Variants in IPO13 observed in about 807,000 individuals in gnomAD.
IPO13 encodes importin-13.
Under a neutral mutation model 115.5 loss-of-function variants are expected in IPO13, and 28 were observed. The observed-to-expected ratio is 0.24, with a 90% confidence interval of 0.18 to 0.33. The LOEUF is 0.33. IPO13 is among the 10% of genes least tolerant of loss of function. The pLI is 1.00. For missense variants in IPO13, 785 were observed against 1,204.6 expected, an observed-to-expected ratio of 0.65 and a Z score of 5.16; for synonymous variants, 414 against 478.9, an observed-to-expected ratio of 0.86 and a Z score of 1.77.
intron 1 of IPO13, among the ~76,000 whole-genome samples, chr1:43,948,007 A>C (rs138531518): frequency 6.6e-6 from 1 of 152,210 alleles, no homozygotes; most frequent in Non-Finnish European, 1.5e-5. Flanking sequence ...GAAACTGGGA[A>C]CCCAGGAGAC....
intron 7 of IPO13, 47 bp from the exon 8 acceptor site, chr1:43,957,930 C>A: frequency 6.3e-7 from 1 of 1,593,814 alleles, no homozygotes; most frequent in Non-Finnish European, 8.6e-7. Context: ...GGTACAAAGC[C>A]AGCCTGGCCT....
At position 43,958,906 on chromosome 1, in the gene IPO13, C is replaced by A. The variant is rs576321904; in HGVS notation, c.2028+17C>A. The A allele has an allele frequency of 1.4e-4, 224 of 1,611,818 alleles. 2 individuals carry two copies. In the South Asian group the frequency reaches 2.1e-3, roughly 15 times the overall value. Reference sequence around the variant, plus strand: ...CCCAACCCCGTGGGTGACATTTGCCCACGGCAAAGACATTTGTCTTTGCCA... The same window carrying A: ...CCCAACCCCGTGGGTGACATTTGCCAACGGCAAAGACATTTGTCTTTGCCA... On this transcript the variant is annotated intron_variant, in intron 11 of 19. Transcript: ENST00000372343. The surrounding 1 kb of genome is among the most constrained non-coding windows in gnomAD (Gnocchi z 6.3).
chr1:43,946,980 A>T lies in IPO13; in HGVS notation c.-621A>T. The T allele has an allele frequency of 2.5e-6, 1 of 396,162 alleles. No homozygotes were observed. The highest frequency in any genetic ancestry group is 4.5e-6 in the Non-Finnish European group (1 of 224,150). 24.5% of individuals were successfully genotyped at this position (396,162 alleles called of 1,614,324 possible). A position where few individuals can be genotyped will look rare whatever the true frequency, so the allele number is the denominator to read the frequency against. On this transcript the variant is annotated 5_prime_UTR_variant, in exon 1 of 20. Transcript: ENST00000372343. Reference sequence around the variant, plus strand: ...TCTTGTCAGTCACTGGGGCGGAGGCAGCGGCTGTAGCGGGGCTGTAGCCGG... The same window carrying T: ...TCTTGTCAGTCACTGGGGCGGAGGCTGCGGCTGTAGCGGGGCTGTAGCCGG...
rs2085213138 is a variant in IPO13, at chr1:43,952,039, T to G, written c.821+1886T>G. 6.6e-6 allele frequency among the ~76,000 whole-genome samples: 1 copy of G among 152,238 alleles called. No individual in the cohort carries two copies. The highest frequency in any genetic ancestry group is 1.5e-5 in the Non-Finnish European group (1 of 68,040). ...TTGAGTAATGGGAGTTCTTTTGTGG[T>G]CTCTGCTAGGGTTGGGATGGTCAGT... On this transcript the variant is annotated intron_variant, in intron 2 of 19. Coordinates refer to ENST00000372343, the MANE Select transcript of IPO13 (RefSeq NM_014652.4). This position sits in a 1 kb window ranked among gnomAD's most constrained non-coding sequence, Gnocchi z 4.7.
Position 43,961,193 on chromosome 1 carries a change from G to A in IPO13, c.2275G>A (p.Ala759Thr), listed in dbSNP as rs376960008. 2.9e-5 allele frequency: 46 copies of A among 1,613,962 alleles called. No homozygotes were observed. The highest frequency in any genetic ancestry group is 3.6e-5 in the Non-Finnish European group (42 of 1,179,968). ...QLVHIFAHEP[A>T]HFPPIEALFL... Reference sequence around the variant, plus strand: ...GGTCCACATCTTTGCTCATGAGCCTGCCCACTTTCCCCCAATTGAGGCCCT... The same window carrying A: ...GGTCCACATCTTTGCTCATGAGCCTACCCACTTTCCCCCAATTGAGGCCCT... The change falls in exon 14 of 20, where the codon GCC (alanine) becomes ACC (threonine). Residue 759 changes from alanine to threonine, a missense_variant. Transcript: ENST00000372343.
chr1:43,960,260 G>C lies in IPO13; in HGVS notation c.2040G>C (p.Val680=). Residue 680 remains valine, a synonymous_variant, in exon 12 of 20, where the codon GTG becomes GTC. Transcript: ENST00000372343. ...VPQGPNPVVV[V]LQQVFQLIQK... ...TCCTGTGCCTTCAGGTGGTGGTGGT[G>C]CTGCAGCAGGTCTTCCAGCTTATCC... The C allele has an allele frequency of 1.2e-6, 2 of 1,614,146 alleles. No homozygotes were observed.
intron 2 of IPO13, chr1:43,953,389 C>T (rs893387524): frequency 1.3e-5 from 2 of 152,262 alleles, no homozygotes; most frequent in African/African-American, 4.8e-5. Flanking sequence ...ACCTAGAAAC[C>T]TCTGGGACCT....
At chr1:43,947,710 C>G in intron 1 of IPO13, 26 bp downstream of exon 1, 1 of 1,219,806 alleles carries the variant, frequency 8.2e-7, no homozygotes, top group Non-Finnish European at 1.1e-6. Flanking sequence ...GGTGGGCACT[C>G]CAGTGACAGA....
chr1:43,950,879 C>G (rs2085204536), intron 2 of IPO13, among the ~76,000 whole-genome samples: 1 of 152,230 alleles, frequency 6.6e-6, no homozygotes, highest in Non-Finnish European at 1.5e-5. Flanking sequence ...TATATTACCT[C>G]AGAGCTCCCA....
chr1:43,964,594 A>G (rs2085309927), intron 15 of IPO13, among the ~76,000 whole-genome samples: 1 of 152,112 alleles, frequency 6.6e-6, no homozygotes, highest in South Asian at 2.1e-4. Flanking sequence ...GGAATGGGAA[A>G]GGGAGGGGGT....
Position 43,957,022 on chromosome 1 carries a change from T to G in IPO13, c.1271+46T>G, listed in dbSNP as rs528650741. The G allele has an allele frequency of 1.2e-4, 191 of 1,598,986 alleles. 3 individuals carry two copies. The South Asian group carries it at 2.1e-3, about 18-fold the overall frequency. ...CCTCTAAAATGGAGTCCAGAAATAA[T>G]GAAGGCAATGAGGGAAGGGGCCCAA... is the stretch of plus-strand genomic sequence containing the variant. On this transcript the variant is annotated intron_variant, in intron 5 of 19. Transcript: ENST00000372343.
chr1:43,951,016 G>A (rs2085205259), intron 2 of IPO13, among the ~76,000 whole-genome samples: 1 of 152,170 alleles, frequency 6.6e-6, no homozygotes, highest in Admixed American at 6.5e-5. Flanking sequence ...ATGGAGGAAA[G>A]TAGGAGTTGC....
chr1:43,962,024 C>T (rs572036385), intron 14 of IPO13, among the ~76,000 whole-genome samples: 1 of 152,116 alleles, frequency 6.6e-6, no homozygotes, highest in Non-Finnish European at 1.5e-5. Context: ...CTCAGCTAGC[C>T]TCATGAGCCT....
Position 43,967,777 on chromosome 1 carries a change from C to A in IPO13, c.*95C>A. 1 of 1,148,516 alleles carries A rather than the reference C, an allele frequency of 8.7e-7. No homozygotes were observed. The highest frequency in any genetic ancestry group is 1.3e-6 in the Non-Finnish European group (1 of 779,424). The allele number at this position is 1,148,516 out of a possible 1,614,324, so 71.1% of individuals were successfully genotyped here. ...CACTGCTGTCTCTGCCTCCTTTCTG[C>A]TGTCACCACCACCTAACTGAAAGCC... On this transcript the variant is annotated 3_prime_UTR_variant, in exon 20 of 20. Coordinates refer to ENST00000372343, the MANE Select transcript of IPO13 (RefSeq NM_014652.4). The surrounding 1 kb of genome is among the most constrained non-coding windows in gnomAD (Gnocchi z 6.1).
chr1:43,949,890 C>T lies in IPO13; in HGVS notation c.558C>T (p.Arg186=), dbSNP rs766825068. 2.5e-6 allele frequency: 4 copies of T among 1,611,832 alleles called. No homozygotes were observed. The highest frequency in any genetic ancestry group is 3.4e-6 in the Non-Finnish European group (4 of 1,179,876). ...AGACCAGTCGCCTACCCCAGTACCG[C>T]AAAGGCCTGGTGCGGACCAGCCTGG... The part of the protein sequence containing the change: ...EFQTSRLPQY[R]KGLVRTSLAV... The change falls in exon 2 of 20, where the codon CGC becomes CGT. Residue 186 remains arginine, a synonymous_variant. Coordinates refer to ENST00000372343, the MANE Select transcript of IPO13 (RefSeq NM_014652.4).
At position 43,958,947 on chromosome 1, in the gene IPO13, C is replaced by T; in HGVS notation, c.2028+58C>T. ...GTCTTTGCCATCCCCCCAACCCCCA[C>T]CTGTGGGAATGTCATTGTCACTCTT... On this transcript the variant is annotated intron_variant, in intron 11 of 19. Coordinates refer to ENST00000372343, the MANE Select transcript of IPO13 (RefSeq NM_014652.4). This position sits in a 1 kb window ranked among gnomAD's most constrained non-coding sequence, Gnocchi z 6.3. 2 of 1,510,746 alleles carry T rather than the reference C, an allele frequency of 1.3e-6. No homozygotes were observed. Among genetic ancestry groups the T allele is most frequent in the South Asian group, 1.1e-5 (1 of 87,210 alleles). 93.6% of individuals were successfully genotyped at this position (1,510,746 alleles called of 1,614,324 possible).
In IPO13 at chr1:43,947,572, C is replaced by T; in HGVS notation, c.-29C>T. 1 of 1,240,856 alleles carries T rather than the reference C, an allele frequency of 8.1e-7. No individual in the cohort carries two copies. The highest frequency in any genetic ancestry group is 1.0e-6 in the Non-Finnish European group (1 of 966,398). 76.9% of individuals were successfully genotyped at this position (1,240,856 alleles called of 1,614,324 possible). On this transcript the variant is annotated 5_prime_UTR_variant, in exon 1 of 20. Transcript: ENST00000372343. ...GGCTGGGGCAGGAGACAGATCAGGGCCCACCTCCCTGCCAGGGAGGGAGCA... is the reference window on the plus strand; with the variant it reads ...GGCTGGGGCAGGAGACAGATCAGGGTCCACCTCCCTGCCAGGGAGGGAGCA...
At position 43,956,412 on chromosome 1, in the gene IPO13, C is replaced by T; in HGVS notation, c.914C>T (p.Ser305Phe). 1.2e-6 allele frequency: 2 copies of T among 1,614,178 alleles called. No individual in the cohort carries two copies. Among genetic ancestry groups the T allele is most frequent in the Non-Finnish European group, 1.7e-6 (2 of 1,180,042 alleles). ...QAVQNGDMET[S>F]HGICRIAVAL... ...GTGCAGAATGGGGACATGGAGACCT[C>T]CCATGGCATCTGTCGCATCGCTGTG... The change falls in exon 3 of 20, where the codon TCC becomes TTC. Residue 305 changes from serine (S) to phenylalanine (F), a missense_variant. Ser to Phe is a radical substitution (Grantham distance 155). This residue lies in a region of IPO13 where 325 missense variants were observed against 449.8 expected (regional missense o/e 0.72). Coordinates refer to ENST00000372343, the MANE Select transcript of IPO13 (RefSeq NM_014652.4). The surrounding 1 kb of genome is among the most constrained non-coding windows in gnomAD (Gnocchi z 4.7).
rs1571761467 is a variant in IPO13 at position 43,949,759 on chromosome 1, G to A, written c.427G>A (p.Val143Met). 6.2e-7 allele frequency: 1 copy of A among 1,614,204 alleles called. No homozygotes were observed. Among genetic ancestry groups the A allele is most frequent in the African/African-American group, 1.3e-5 (1 of 75,078 alleles). The stretch of plus-strand genomic sequence containing the variant: ...GATGCCTGACGCTTGGCCATGTGCT[G>A]TGGCAGATATGGTACGACTCTTCCA... ...SMMPDAWPCA[V>M]ADMVRLFQAE... Residue 143 changes from valine to methionine, a missense_variant, in exon 2 of 20, where the codon GTG (valine) becomes ATG (methionine). This residue lies in a region of IPO13 where 325 missense variants were observed against 449.8 expected (regional missense o/e 0.72). Coordinates refer to ENST00000372343, the MANE Select transcript of IPO13 (RefSeq NM_014652.4).
Sources: gnomAD v4.1 joint callset for allele counts (sites outside exome capture counted in the v4.1 genomes callset) on GRCh38, gnomAD v4.1.1 for gene constraint, gnomAD v4.1.1 regional missense constraint, Gnocchi (gnomAD v3.1) non-coding constraint, MANE v1.5 for transcripts, NCBI Gene and HGNC (gene_info 2026-07-23, HGNC 2026-07-21) for gene names.